The following PSME4 variants were observed in gnomAD, a reference collection of about 807,000 sequenced individuals.
PSME4 encodes the protein proteasome activator subunit 4, also known as proteasome activator complex subunit 4.
In PSME4, 89 loss-of-function variants were observed where a neutral mutation model predicts 253.9. The observed-to-expected ratio is 0.35, with a 90% CI of 0.30 to 0.42. PSME4 has a LOEUF of 0.42. Ranked by LOEUF, PSME4 falls within the 10% of genes least tolerant of loss-of-function variation. The pLI, the probability that PSME4 is intolerant of heterozygous loss-of-function variation, is 1.00. For synonymous variants in PSME4, 851 were observed against 759.2 expected (o/e 1.12, Z -1.99); for missense variants, 2,014 against 2,195.2 (o/e 0.92, Z 1.65).
At chr2:53,935,688 C>A (rs538428304) in intron 7 of PSME4, among the ~76,000 whole-genome samples, 1 of 152,178 alleles carries the variant, frequency 6.6e-6, no homozygotes, top group Admixed American at 6.5e-5. Flanking sequence ...ATAGTTCATA[C>A]CCTGCACAAG....
Position 53,919,139 on chromosome 2 carries a change from A to G in PSME4, c.2516+12T>C, listed in dbSNP as rs929364927. 7.5e-6 allele frequency: 12 copies of G among 1,603,036 alleles called. No individual in the cohort carries two copies. Among genetic ancestry groups the G allele is most frequent in the Middle Eastern group, 3.5e-4 (2 of 5,726 alleles). On this transcript the variant is annotated intron_variant, in intron 20 of 46. Transcript: ENST00000404125. ...AATATATGTTAAGTGGAAAACAGTT[A>G]TTTTTACTTACAAGTTAGTAACTGG...
chr2:53,892,477 G>A (rs1470244176), intron 36 of PSME4, among the ~76,000 whole-genome samples: 1 of 152,180 alleles, frequency 6.6e-6, no homozygotes, highest in African/African-American at 2.4e-5. Context: ...AGAAGCACAC[G>A]TGCACCATCA....
chr2:53,896,557 T>C (rs1423369263), intron 32 of PSME4, among the ~76,000 whole-genome samples: 3 of 152,188 alleles, frequency 2.0e-5, no homozygotes, highest in African/African-American at 7.2e-5. Context: ...GAAATACAGT[T>C]GATAAAATAA....
chr2:53,905,560 A>G (rs541706891), intron 26 of PSME4, among the ~76,000 whole-genome samples: 2 of 152,250 alleles, frequency 1.3e-5, no homozygotes, highest in South Asian at 2.1e-4. Context: ...AAATTAGTCC[A>G]GCATGGTGGC....
chr2:53,965,250 T>C (rs1342480634), intron 1 of PSME4, among the ~76,000 whole-genome samples: 1 of 150,474 alleles, frequency 6.6e-6, no homozygotes, highest in Non-Finnish European at 1.5e-5. Context: ...CAAGTGATTT[T>C]TTTTTTTTTT....
intron 3 of PSME4, among the ~76,000 whole-genome samples, chr2:53,944,866 A>G (rs1369260738): frequency 1.3e-5 from 2 of 152,230 alleles, no homozygotes; most frequent in Non-Finnish European, 2.9e-5. Flanking sequence ...ATAAACAAAT[A>G]CCAGAAAAAT....
chr2:53,906,246 T>C (rs1479856425), intron 26 of PSME4, among the ~76,000 whole-genome samples: 1 of 152,182 alleles, frequency 6.6e-6, no homozygotes, highest in Non-Finnish European at 1.5e-5. Context: ...CAAAATGTGA[T>C]TGAAGTGCCA....
chr2:53,893,286 C>T (rs950007813), intron 35 of PSME4, among the ~76,000 whole-genome samples: 4 of 151,974 alleles, frequency 2.6e-5, no homozygotes, highest in African/African-American at 9.7e-5. Flanking sequence ...AAGATAAATA[C>T]AGTCATCCCT....
chr2:53,919,274 A>G (rs373797796), intron 19 of PSME4, 28 bp from the exon 20 acceptor site: 8 of 1,554,068 alleles, frequency 5.1e-6, no homozygotes, highest in African/African-American at 1.4e-5. Flanking sequence ...ACATTTTCAT[A>G]TTTCCAAATC....
intron 1 of PSME4, among the ~76,000 whole-genome samples, chr2:53,961,642 C>T (rs1211791541): frequency 2.6e-5 from 4 of 152,084 alleles, no homozygotes; most frequent in African/African-American, 9.7e-5. Flanking sequence ...AGCGCCACTG[C>T]ACTCCAACCT....
intron 1 of PSME4, among the ~76,000 whole-genome samples, chr2:53,969,120 C>G (rs1235133998): frequency 6.6e-6 from 1 of 152,174 alleles, no homozygotes; most frequent in Non-Finnish European, 1.5e-5. Flanking sequence ...CTTGAAAAAG[C>G]ATTTGGATTT....
chr2:53,928,208 C>T lies in PSME4; in HGVS notation c.1412G>A (p.Gly471Asp). ...TGTAGGACCTTCAGGAAACCATCTG[C>T]CTCCTGATACCAAACTGCGGGCTAC... ...IGVARSLVSGGRWFPEGPTHM... is the reference protein window; with the variant it reads ...IGVARSLVSGDRWFPEGPTHM... Residue 471 changes from glycine (G) to aspartate (D), a missense_variant, in exon 11 of 47, where the codon GGC (glycine) becomes GAC (aspartate). Around this residue, in one of 4 missense-constraint regions of PSME4, gnomAD observed 615 missense variants for 594.4 expected, o/e 1.03. Coordinates refer to ENST00000404125, the MANE Select transcript of PSME4 (RefSeq NM_014614.3). The T allele has an allele frequency of 1.9e-6, 3 of 1,614,078 alleles. No individual in the cohort carries two copies. Among genetic ancestry groups the T allele is most frequent in the Non-Finnish European group, 2.5e-6 (3 of 1,179,944 alleles).
At chr2:53,930,566 A>C (rs1025805513) in intron 10 of PSME4, among the ~76,000 whole-genome samples, 1 of 152,210 alleles carries the variant, frequency 6.6e-6, no homozygotes, top group Admixed American at 6.5e-5. Flanking sequence ...CCCAAGATGT[A>C]TATGTAAAAA....
intron 6 of PSME4, 56 bp from the exon 7 acceptor site, chr2:53,936,217 C>G: frequency 6.2e-7 from 1 of 1,603,698 alleles, no homozygotes. Context: ...GTTTAAGTGT[C>G]ATAGTCACAC....
intron 3 of PSME4, among the ~76,000 whole-genome samples, chr2:53,940,940 A>ATACATATTTAAAT (rs1558413493): frequency 3.9e-5 from 2 of 51,302 alleles, no homozygotes; most frequent in South Asian, 5.6e-4. Context: ...TACATATATA[A>ATACATATTTAAAT]ATATATATAT....
Position 53,874,503 on chromosome 2 carries a change from G to T in PSME4, c.4945-9C>A. The stretch of plus-strand genomic sequence containing the variant: ...GAACTGCTTCTTGCTGTCTGTGAAT[G>T]ACAAATAAATATAAACGATAAAGCA... On this transcript the variant is annotated splice_polypyrimidine_tract_variant and intron_variant, in intron 42 of 46. Coordinates refer to ENST00000404125, the MANE Select transcript of PSME4 (RefSeq NM_014614.3). 6.2e-7 allele frequency: 1 copy of T among 1,612,380 alleles called. No homozygotes were observed. The highest frequency in any genetic ancestry group is 1.1e-5 in the South Asian group (1 of 90,624).
intron 35 of PSME4, 49 bp downstream of exon 35, chr2:53,893,625 T>A (rs761676100): frequency 6.3e-7 from 1 of 1,590,076 alleles, no homozygotes; most frequent in East Asian, 2.3e-5. Context: ...ACCTACGAAC[T>A]GAATAGTTAC....
chr2:53,940,770 TG>T (rs1019717950), intron 3 of PSME4, among the ~76,000 whole-genome samples: 3 of 149,676 alleles, frequency 2.0e-5, no homozygotes, highest in Admixed American at 1.3e-4. Context: ...AATTTTGAGC[TG>T]GAATTTTAAA....
At chr2:53,877,527 C>T (rs1679193437) in intron 41 of PSME4, among the ~76,000 whole-genome samples, 1 of 152,188 alleles carries the variant, frequency 6.6e-6, no homozygotes, top group Non-Finnish European at 1.5e-5. Flanking sequence ...ATTATTCTGA[C>T]ATTTGATAAA....
Sources: gnomAD v4.1 joint callset for allele counts (sites outside exome capture counted in the v4.1 genomes callset) on GRCh38, gnomAD v4.1.1 for gene constraint, gnomAD v4.1.1 regional missense constraint, MANE v1.5 for transcripts, NCBI Gene and HGNC (gene_info 2026-07-23, HGNC 2026-07-21) for gene names.